Variants in MYO5C observed in about 807,000 individuals in gnomAD.
The protein encoded by MYO5C is myosin VC, also known as unconventional myosin-Vc.
Under a neutral mutation model 235.7 loss-of-function variants are expected in MYO5C, and 194 were observed. That is an observed-to-expected ratio of 0.82 (90% CI 0.73 to 0.93). The LOEUF is 0.93. MYO5C is among the 40% of genes least tolerant of loss of function. The pLI is 0.00. For synonymous variants in MYO5C, 707 were observed against 754.8 expected (o/e 0.94, Z 1.04); for missense variants, 2,038 against 2,127.2 (o/e 0.96, Z 0.82).
At chr15:52,195,922 C>T (rs1169610365) in intron 39 of MYO5C, among the ~76,000 whole-genome samples, 1 of 148,550 alleles carries the variant, frequency 6.7e-6, no homozygotes, top group Non-Finnish European at 1.5e-5. Flanking sequence ...CCTCAGCCTC[C>T]CAAGTAGCTG....
intron 32 of MYO5C, 97 bp from the exon 33 acceptor site, chr15:52,214,787 A>G (rs1189154749): frequency 2.9e-6 from 2 of 679,784 alleles, no homozygotes; most frequent in East Asian, 5.8e-5. Flanking sequence ...CAATTTGCAT[A>G]CCGTACAACT....
At chr15:52,275,177 A>G (rs953945457) in intron 5 of MYO5C, among the ~76,000 whole-genome samples, 3 of 152,260 alleles carry the variant, frequency 2.0e-5, no homozygotes, top group African/African-American at 7.2e-5. Context: ...TCAAACTACC[A>G]AAGGTTTATC....
intron 25 of MYO5C, among the ~76,000 whole-genome samples, chr15:52,228,714 T>C (rs577651113): frequency 6.6e-6 from 1 of 152,350 alleles, no homozygotes; most frequent in Non-Finnish European, 1.5e-5. Context: ...TTCACCACAC[T>C]GTGCATTGGA....
Position 52,245,390 on chromosome 15 carries a change from C to T in MYO5C, c.2142G>A (p.Lys714=). 1 of 1,614,162 alleles carries T rather than the reference C, an allele frequency of 6.2e-7. No homozygotes were observed. Among genetic ancestry groups the T allele is most frequent in the Non-Finnish European group, 8.5e-7 (1 of 1,180,006 alleles). Reference sequence around the variant, plus strand: ...TGTGTAAAACCACCTTGCACACCTCCTTTTTATCGCTGAAGGAAAGCTCTT... The same window carrying T: ...TGTGTAAAACCACCTTGCACACCTCTTTTTTATCGCTGAAGGAAAGCTCTT... The part of the protein sequence containing the change: ...TKQELSFSDK[K]EVCKVVLHRL... Residue 714 remains lysine, a synonymous_variant, in exon 18 of 41, where the codon AAG becomes AAA. Coordinates refer to ENST00000261839, the MANE Select transcript of MYO5C (RefSeq NM_018728.4).
rs779259789 is a variant in MYO5C at position 52,214,696 on chromosome 15, G to A, written c.3955-6C>T. The A allele has an allele frequency of 2.1e-5, 33 of 1,566,686 alleles. 1 individual carries two copies. The South Asian group carries it at 4.0e-4, about 19-fold the overall frequency. On this transcript the variant is annotated splice_polypyrimidine_tract_variant and splice_region_variant and intron_variant, in intron 32 of 40. Coordinates refer to ENST00000261839, the MANE Select transcript of MYO5C (RefSeq NM_018728.4). The stretch of plus-strand genomic sequence containing the variant: ...TCTAATTCTTCTTCAAGATCCTACA[G>A]CAATAAAAAGAAACCAGGATTTAGC...
intron 9 of MYO5C, 134 bp downstream of exon 9, chr15:52,264,056 G>T: frequency 1.6e-6 from 1 of 617,382 alleles, no homozygotes; most frequent in Non-Finnish European, 2.8e-6. Flanking sequence ...AACCCTTGCC[G>T]CCTGCCTCCT....
At chr15:52,271,666 A>T (rs1406942963) in intron 7 of MYO5C, 97 bp downstream of exon 7, 6 of 670,038 alleles carry the variant, frequency 9.0e-6, no homozygotes, top group African/African-American at 3.7e-5. Flanking sequence ...CTTTGGGCAA[A>T]TACTTAAAAC....
rs569474138 is a variant in MYO5C at position 52,269,550 on chromosome 15, G to A, written c.940+203C>T. 2.9e-4 allele frequency among the ~76,000 whole-genome samples: 44 copies of A among 151,784 alleles called. No homozygotes were observed. In the South Asian group the frequency reaches 8.1e-3, roughly 28 times the overall value. ...TGGGACTACAGGCACCCGCCACCAC[G>A]CCTGGCTAATTTTTCGTATTTTTAG... On this transcript the variant is annotated intron_variant, in intron 8 of 40. Coordinates refer to ENST00000261839, the MANE Select transcript of MYO5C (RefSeq NM_018728.4).
At chr15:52,260,350 G>A (rs1003938536) in intron 10 of MYO5C, among the ~76,000 whole-genome samples, 12 of 152,204 alleles carry the variant, frequency 7.9e-5, no homozygotes, top group Non-Finnish European at 1.2e-4. Flanking sequence ...ACCTCTGGCC[G>A]CTGGGCTTGG....
intron 17 of MYO5C, 107 bp downstream of exon 17, chr15:52,245,849 C>T (rs1458464153): frequency 9.6e-7 from 1 of 1,043,956 alleles, no homozygotes; most frequent in African/African-American, 1.6e-5. Context: ...GGGCACTTTA[C>T]AGAAGCCAAA....
intron 38 of MYO5C, among the ~76,000 whole-genome samples, chr15:52,204,538 C>T (rs2035256762): frequency 6.6e-6 from 1 of 152,042 alleles, no homozygotes; most frequent in Admixed American, 6.6e-5. Context: ...CTGTGTTCTC[C>T]CCCTGGCAGT....
intron 7 of MYO5C, 53 bp from the exon 8 acceptor site, chr15:52,269,913 A>C: frequency 8.1e-7 from 1 of 1,240,718 alleles, no homozygotes; most frequent in Non-Finnish European, 1.2e-6. Context: ...ATTTGGACAT[A>C]CACATTTATC....
chr15:52,205,049 A>G lies in MYO5C; in HGVS notation c.4636T>C (p.Tyr1546His), dbSNP rs1236705981. The part of the protein sequence containing the change: ...RSSSIDDTDG[Y>H]TMTSVLQQLS... ...TGTTGCAGGACGGAGGTCATGGTGT[A>G]GCCGTCCGTGTCGTCTATGCTAGAG... The change falls in exon 38 of 41, where the codon TAC becomes CAC. Residue 1546 changes from tyrosine to histidine, a missense_variant. Coordinates refer to ENST00000261839, the MANE Select transcript of MYO5C (RefSeq NM_018728.4). The G allele has an allele frequency of 1.2e-6, 2 of 1,614,058 alleles. No homozygotes were observed. The highest frequency in any genetic ancestry group is 1.7e-5 in the Admixed American group (1 of 60,006).
rs2037034594 is a variant in MYO5C, at chr15:52,275,733, AG to A, written c.450-16del. On this transcript the variant is annotated splice_polypyrimidine_tract_variant and intron_variant, in intron 4 of 40. Coordinates refer to ENST00000261839, the MANE Select transcript of MYO5C (RefSeq NM_018728.4). Reference sequence around the variant, plus strand: ...TTCTGTTGTTTCTAAAGCAAATAAAAGTTTTCAAATATTAGTTTCTTCCCAT... The same window carrying A: ...TTCTGTTGTTTCTAAAGCAAATAAAATTTTCAAATATTAGTTTCTTCCCAT... 3.1e-6 allele frequency: 5 copies of A among 1,613,022 alleles called. No individual in the cohort carries two copies. Among genetic ancestry groups the A allele is most frequent in the Non-Finnish European group, 3.4e-6 (4 of 1,178,990 alleles).
At chr15:52,247,333 T>A (rs1227470040) in intron 15 of MYO5C, 125 bp downstream of exon 15, 1 of 1,141,574 alleles carries the variant, frequency 8.8e-7, no homozygotes, top group Non-Finnish European at 1.3e-6. Flanking sequence ...GGAGTCCATG[T>A]TAGATTGGAA....
chr15:52,264,138 G>A, intron 9 of MYO5C, 52 bp downstream of exon 9: 2 of 1,405,262 alleles, frequency 1.4e-6, no homozygotes, highest in East Asian at 2.3e-5. Flanking sequence ...CTGCGAGCCA[G>A]TTCCACTATG....
At chr15:52,221,049 C>T in intron 30 of MYO5C, 113 bp downstream of exon 30, 3 of 747,326 alleles carry the variant, frequency 4.0e-6, no homozygotes, top group Non-Finnish European at 6.6e-6. Flanking sequence ...GTTACCTGCC[C>T]AGCCCCCTAG....
rs771463146 is a variant in MYO5C, at chr15:52,256,747, AT to A, written c.1314-28del. 31 of 1,552,562 alleles carry A rather than the reference AT, an allele frequency of 2.0e-5. No individual in the cohort carries two copies. In the East Asian group the frequency reaches 5.6e-4, roughly 28 times the overall value. Reference sequence around the variant, plus strand: ...TGAAATACAATTTAAACAAGTTAAAATATAACCTGAAGCAAGACATATGCAT... The same window carrying A: ...TGAAATACAATTTAAACAAGTTAAAAATAACCTGAAGCAAGACATATGCAT... On this transcript the variant is annotated intron_variant, in intron 10 of 40. Transcript: ENST00000261839.
chr15:52,288,220 A>G (rs1242446723), intron 1 of MYO5C, among the ~76,000 whole-genome samples: 1 of 152,216 alleles, frequency 6.6e-6, no homozygotes, highest in Non-Finnish European at 1.5e-5. Flanking sequence ...ACTCCAGCAG[A>G]GCTAGGGCCT....
Sources: gnomAD v4.1 joint callset for allele counts (sites outside exome capture counted in the v4.1 genomes callset) on GRCh38, gnomAD v4.1.1 for gene constraint, MANE v1.5 for transcripts, NCBI Gene and HGNC (gene_info 2026-07-23, HGNC 2026-07-21) for gene names.